The following EXOC6B variants were observed in gnomAD, a reference collection of about 807,000 sequenced individuals.
EXOC6B encodes exocyst complex component 6B.
Under a neutral mutation model 113.5 loss-of-function variants are expected in EXOC6B, and 54 were observed. That is an observed-to-expected ratio of 0.48 (90% CI 0.38 to 0.60). The LOEUF (loss-of-function observed/expected upper bound fraction) is 0.60, where lower values mean the gene tolerates loss of function less well. Ranked by LOEUF, EXOC6B falls within the 20% of genes least tolerant of loss-of-function variation. The probability of loss-of-function intolerance (pLI) is 0.00; values close to 1 mark genes in which losing one functional copy is unlikely to be tolerated. For synonymous variants in EXOC6B, 357 were observed against 339.0 expected, an observed-to-expected ratio of 1.05 and a Z score of -0.58; for missense variants, 797 against 977.5, an observed-to-expected ratio of 0.82 and a Z score of 2.46.
rs113804546 is a variant in EXOC6B at position 72,742,399 on chromosome 2, G to A, written c.114-930C>T. Among the ~76,000 whole-genome samples, 23 of 152,138 alleles carry A rather than the reference G, an allele frequency of 1.5e-4. 2 individuals carry two copies. The highest frequency in any genetic ancestry group is 4.6e-4 in the African/African-American group (19 of 41,504). ...AGGTTGATCTTGAACTCCTGGCCTT[G>A]GACAGTCCTCACACCTTTGCCTCCC... On this transcript the variant is annotated intron_variant, in intron 1 of 21. Coordinates refer to ENST00000272427, the MANE Select transcript of EXOC6B (RefSeq NM_015189.3).
At chr2:72,219,169 G>A (rs1234500676) in intron 20 of EXOC6B, among the ~76,000 whole-genome samples, 2 of 152,014 alleles carry the variant, frequency 1.3e-5, no homozygotes, top group Non-Finnish European at 2.9e-5. Context: ...AGGCTGAAGG[G>A]AACATCGATT....
intron 20 of EXOC6B, among the ~76,000 whole-genome samples, chr2:72,220,679 A>C (rs1680811069): frequency 6.6e-6 from 1 of 152,172 alleles, no homozygotes; most frequent in Non-Finnish European, 1.5e-5. Context: ...TATCAAAGAA[A>C]ATATTTGAAA....
chr2:72,552,255 T>C (rs958203244), intron 8 of EXOC6B, among the ~76,000 whole-genome samples: 3 of 152,198 alleles, frequency 2.0e-5, no homozygotes, highest in Non-Finnish European at 2.9e-5. Flanking sequence ...AAACTTGATG[T>C]GAATAAACAT....
At chr2:72,223,189 T>G (rs751151691) in intron 20 of EXOC6B, among the ~76,000 whole-genome samples, 1 of 152,092 alleles carries the variant, frequency 6.6e-6, no homozygotes, top group Non-Finnish European at 1.5e-5. Flanking sequence ...CTGATTTCAA[T>G]AGCTAACAGT....
At chr2:72,441,423 A>G (rs1318043342) in intron 18 of EXOC6B, among the ~76,000 whole-genome samples, 1 of 152,148 alleles carries the variant, frequency 6.6e-6, no homozygotes, top group Non-Finnish European at 1.5e-5. Flanking sequence ...ATAGAGAACC[A>G]AAAAACCATT....
At chr2:72,360,635 C>A (rs962529150) in intron 19 of EXOC6B, among the ~76,000 whole-genome samples, 1 of 152,110 alleles carries the variant, frequency 6.6e-6, no homozygotes. Context: ...CAATTCTCGT[C>A]CTTCCTAGAA....
At chr2:72,748,542 G>A (rs1409180769) in intron 1 of EXOC6B, among the ~76,000 whole-genome samples, 1 of 152,034 alleles carries the variant, frequency 6.6e-6, no homozygotes, top group African/African-American at 2.4e-5. Context: ...AGAAGCATAT[G>A]CTAGTTAACA....
intron 20 of EXOC6B, among the ~76,000 whole-genome samples, chr2:72,214,323 T>C (rs1680373115): frequency 7.1e-6 from 1 of 141,556 alleles, no homozygotes; most frequent in Admixed American, 7.3e-5. Flanking sequence ...CCGTCTCTAC[T>C]AAAAATACAA....
intron 19 of EXOC6B, among the ~76,000 whole-genome samples, chr2:72,340,950 C>T (rs931329173): frequency 1.3e-4 from 19 of 151,832 alleles, no homozygotes; most frequent in Admixed American, 9.2e-4. Flanking sequence ...AGAGAAGGGA[C>T]GGCCAGAACA....
intron 1 of EXOC6B, among the ~76,000 whole-genome samples, chr2:72,766,956 G>GAA (rs971595036): frequency 3.5e-4 from 20 of 56,914 alleles, no homozygotes; most frequent in South Asian, 5.9e-4. Context: ...TGTCTCAAAA[G>GAA]AAAAAAAAAA....
chr2:72,734,565 T>G (rs1313334829), intron 2 of EXOC6B, among the ~76,000 whole-genome samples: 1 of 152,294 alleles, frequency 6.6e-6, no homozygotes, highest in East Asian at 1.9e-4. Context: ...GTAGCAGGAA[T>G]GCAGCCATAA....
At chr2:72,464,858 G>A in intron 18 of EXOC6B, 2 of 353,370 alleles carry the variant, frequency 5.7e-6, no homozygotes, top group Non-Finnish European at 1.0e-5. Context: ...TTCTAACTAA[G>A]TTTCTTTTTT....
intron 18 of EXOC6B, among the ~76,000 whole-genome samples, chr2:72,424,624 A>G (rs1695098054): frequency 6.6e-6 from 1 of 151,988 alleles, no homozygotes; most frequent in Middle Eastern, 3.2e-3. Flanking sequence ...TTTGTTTTTC[A>G]TTCTTACTAG....
chr2:72,379,894 T>G (rs976450754), intron 18 of EXOC6B, 24 bp from the exon 19 acceptor site: 1 of 1,572,768 alleles, frequency 6.4e-7, no homozygotes, highest in African/African-American at 1.4e-5. Context: ...GTGTAAATCA[T>G]AAAGTTAATG....
At chr2:72,660,693 T>C (rs930091248) in intron 6 of EXOC6B, among the ~76,000 whole-genome samples, 5 of 152,178 alleles carry the variant, frequency 3.3e-5, no homozygotes, top group Admixed American at 1.3e-4. Context: ...CTTCTCTAAA[T>C]AGTTATAAAA....
intron 16 of EXOC6B, among the ~76,000 whole-genome samples, chr2:72,490,025 C>G (rs1036846467): frequency 1.3e-5 from 2 of 152,058 alleles, no homozygotes; most frequent in Non-Finnish European, 2.9e-5. Context: ...ATAGGAACTT[C>G]CAATTCCTAA....
intron 2 of EXOC6B, among the ~76,000 whole-genome samples, chr2:72,737,657 C>T (rs1681049909): frequency 6.6e-6 from 1 of 151,988 alleles, no homozygotes; most frequent in Non-Finnish European, 1.5e-5. Context: ...AGTTCCAGAC[C>T]AGCCTAGTCA....
intron 6 of EXOC6B, among the ~76,000 whole-genome samples, chr2:72,676,553 C>G (rs1337331758): frequency 6.6e-6 from 1 of 152,176 alleles, no homozygotes; most frequent in African/African-American, 2.4e-5. Context: ...ACACAATAGG[C>G]TTTGTCTTGT....
intron 18 of EXOC6B, among the ~76,000 whole-genome samples, chr2:72,403,169 T>C (rs1287916491): frequency 6.6e-6 from 1 of 152,232 alleles, no homozygotes; most frequent in Non-Finnish European, 1.5e-5. Flanking sequence ...GCTTTATAAA[T>C]TTACCAAGCT....
Sources: allele counts gnomAD v4.1 joint callset (sites outside exome capture counted in the v4.1 genomes callset), GRCh38; gene constraint gnomAD v4.1.1; transcripts MANE v1.5; gene names NCBI Gene and HGNC (gene_info 2026-07-23, HGNC 2026-07-21).